Variants in ENO3 observed in about 807,000 individuals in gnomAD.
ENO3 encodes the protein enolase 3.
Under a neutral mutation model 47.7 loss-of-function variants are expected in ENO3, and 46 were observed. The ratio of observed to expected loss-of-function variants is 0.96; its 90% CI spans 0.76 to 1.23. ENO3 has a LOEUF of 1.23. Ranked by LOEUF, ENO3 falls within the 50% of genes most tolerant of loss-of-function variation. The pLI is 0.00. For missense variants in ENO3, 575 were observed against 566.2 expected, an observed-to-expected ratio of 1.02 and a Z score of -0.16; for synonymous variants, 223 against 225.9, an observed-to-expected ratio of 0.99 and a Z score of 0.11.
In ENO3 at chr17:4,955,097, G is replaced by C. The variant is rs121918403; in HGVS notation, c.467G>C (p.Gly156Ala). 1 of 1,613,984 alleles carries C rather than the reference G, an allele frequency of 6.2e-7. No individual in the cohort carries two copies. The highest frequency in any genetic ancestry group is 2.2e-5 in the East Asian group (1 of 44,882). The part of the protein sequence containing the change: ...PVPAFNVING[G>A]SHAGNKLAMQ... ...CAGGCCTTCAATGTGATCAACGGGG[G>C]CTCCCATGCTGGAAACAAGCTGGCC... The change falls in exon 7 of 12, where the codon GGC (glycine) becomes GCC (alanine). Residue 156 changes from glycine to alanine, a missense_variant. Physicochemically the swap from Gly to Ala is moderately conservative, Grantham distance 60. Transcript: ENST00000519602.
At chr17:4,949,722 C>A (rs1065633), upstream of ENO3, among the ~76,000 whole-genome samples, 2,351 of 152,188 alleles carry the variant, frequency 0.015, 48 homozygotes, top group African/African-American at 0.052. Context: ...AAGGGGTCAC[C>A]GAGCGCGGCC....
upstream of ENO3, among the ~76,000 whole-genome samples, chr17:4,950,003 G>A (rs907942890): frequency 1.3e-5 from 2 of 151,944 alleles, no homozygotes; most frequent in African/African-American, 4.8e-5. Context: ...CGGGGCGAGA[G>A]GGGAGACTGG....
At chr17:4,950,415 C>A, upstream of ENO3, 1 of 259,836 alleles carries the variant, frequency 3.8e-6, no homozygotes, top group Non-Finnish European at 6.0e-6. Context: ...TGGGGCCGTG[C>A]GCTGAGCGCC....
chr17:4,949,031 G>GGCCGGA (rs934199509), upstream of ENO3: 2 of 151,844 alleles, frequency 1.3e-5, no homozygotes, highest in African/African-American at 4.8e-5. Flanking sequence ...GGGCGGTCGG[G>GGCCGGA]GCCGGAGCCG....
rs768320684 is a variant in ENO3 at position 4,955,449 on chromosome 17, C to T, written c.710C>T (p.Pro237Leu). 3 of 1,614,132 alleles carry T rather than the reference C, an allele frequency of 1.9e-6. No homozygotes were observed. The highest frequency in any genetic ancestry group is 1.3e-5 in the African/African-American group (1 of 74,934). The change falls in exon 8 of 12, where the codon CCA becomes CTA. Residue 237 changes from proline to leucine, a missense_variant. Transcript: ENST00000519602. ...LKTAIQAAGY[P>L]DKVVIGMDVA... ...ACGGCCATCCAGGCGGCTGGTTACC[C>T]AGACAAGGTGGTGATCGGCATGGAT...
In ENO3 at chr17:4,955,606, T is replaced by G. The variant is rs1283545872; in HGVS notation, c.865+2T>G. On this transcript the variant is annotated splice_donor_variant, in intron 8 of 11. Coordinates refer to ENST00000519602, the MANE Select transcript of ENO3 (RefSeq NM_053013.4). LOFTEE classifies it high-confidence loss of function. ...AGAGCTTTATCAAGAACTATCCTGG[T>G]GAGGCGTTCGGGTGTCCCAGTGTTC... is the stretch of plus-strand genomic sequence containing the variant. The G allele has an allele frequency of 6.2e-7, 1 of 1,614,228 alleles. No individual in the cohort carries two copies. The highest frequency in any genetic ancestry group is 8.5e-7 in the Non-Finnish European group (1 of 1,180,032).
upstream of ENO3, among the ~76,000 whole-genome samples, chr17:4,949,966 C>T (rs1462398719): frequency 2.0e-5 from 3 of 148,368 alleles, no homozygotes; most frequent in African/African-American, 4.9e-5. Context: ...GGAAAAATCC[C>T]GGGAGGAGCG....
At chr17:4,950,871 C>T (rs1469270832), upstream of ENO3, among the ~76,000 whole-genome samples, 4 of 152,342 alleles carry the variant, frequency 2.6e-5, no homozygotes, top group African/African-American at 9.6e-5. Context: ...ATCTGTAGCC[C>T]CTCCCTTGCT....
At chr17:4,949,519 C>G (rs1218286163), upstream of ENO3, among the ~76,000 whole-genome samples, 1 of 151,846 alleles carries the variant, frequency 6.6e-6, no homozygotes, top group Non-Finnish European at 1.5e-5. Context: ...ACTCAAGTTG[C>G]AAGAGTGGCA....
upstream of ENO3, chr17:4,950,953 T>C: frequency 3.4e-6 from 3 of 879,358 alleles, no homozygotes; most frequent in Non-Finnish European, 4.1e-6. Flanking sequence ...AGTTGACCTT[T>C]GGTAAGGGGG....
intron 8 of ENO3, 126 bp downstream of exon 8, chr17:4,955,730 A>G (rs1971703859): frequency 1.4e-6 from 2 of 1,445,920 alleles, no homozygotes; most frequent in Admixed American, 1.7e-5. Flanking sequence ...TAAAATCCCC[A>G]TTTAAGCTCT....
rs775535735 is a variant in ENO3, at chr17:4,957,097, C to T, written c.*50C>T. The T allele has an allele frequency of 7.5e-6, 12 of 1,609,046 alleles. No homozygotes were observed. The highest frequency in any genetic ancestry group is 8.5e-6 in the Non-Finnish European group (10 of 1,176,654). On this transcript the variant is annotated 3_prime_UTR_variant, in exon 12 of 12. Transcript: ENST00000519602. ...CTGGACAGACCCAGGTCTTCCAGAC[C>T]TGCTTCCTGAAATAAACACTGGTGC...
At chr17:4,952,343 A>AT (rs11310549) in intron 2 of ENO3, 98,230 of 251,634 alleles carry the variant, frequency 0.39, 14,571 homozygotes, top group Non-Finnish European at 0.46. Context: ...CGCCCAGCTA[A>AT]TTTTTTTTTT....
chr17:4,952,754 G>T, intron 2 of ENO3, 41 bp from the exon 3 acceptor site: 1 of 1,573,638 alleles, frequency 6.4e-7, no homozygotes, highest in Non-Finnish European at 8.6e-7. Context: ...GGGCCACCGC[G>T]CCCAGCCATC....
Position 4,953,080 on chromosome 17 carries a change from A to G in ENO3, c.211A>G (p.Asn71Asp), listed in dbSNP as rs748416893. Residue 71 changes from asparagine to aspartate, a missense_variant, in exon 4 of 12, where the codon AAT becomes GAT. By Grantham distance (23) the Asn-to-Asp change is conservative. Transcript: ENST00000519602. ...GVLKAVENINNTLGPALLQKK... is the reference protein window; with the variant it reads ...GVLKAVENINDTLGPALLQKK... ...CCTGAAGGCTGTGGAGAACATCAAC[A>G]ATACTCTGGGCCCTGCTCTGCTGCA... 6.2e-6 allele frequency: 10 copies of G among 1,614,222 alleles called. No individual in the cohort carries two copies. The highest frequency in any genetic ancestry group is 7.6e-6 in the Non-Finnish European group (9 of 1,180,046).
At position 4,957,022 on chromosome 17, in the gene ENO3, A is replaced by G. The variant is rs561892631; in HGVS notation, c.1280A>G (p.Lys427Arg). The G allele has an allele frequency of 5.6e-6, 9 of 1,614,182 alleles. No homozygotes were observed. The East Asian group carries it at 1.3e-4, about 24-fold the overall frequency. ...GACAAGGCAATCTTTGCTGGACGCA[A>G]GTTCCGTAACCCGAAGGCCAAGTGA... ...LGDKAIFAGR[K>R]FRNPKAK The change falls in exon 12 of 12, where the codon AAG becomes AGG. Residue 427 changes from lysine to arginine, a missense_variant. Transcript: ENST00000519602.
upstream of ENO3, chr17:4,950,537 C>A: frequency 1.0e-6 from 1 of 984,514 alleles, no homozygotes; most frequent in South Asian, 4.7e-5. Flanking sequence ...TGTCTAAATT[C>A]GTTTCCTGTC....
chr17:4,956,557 TG>T lies in ENO3; in HGVS notation c.1068-15del. 6.2e-7 allele frequency: 1 copy of T among 1,613,884 alleles called. No homozygotes were observed. Among genetic ancestry groups the T allele is most frequent in the Non-Finnish European group, 8.5e-7 (1 of 1,179,760 alleles). On this transcript the variant is annotated splice_polypyrimidine_tract_variant and intron_variant, in intron 9 of 11. Transcript: ENST00000519602. ...GGAGGTTCTAGAAGGCCACATCAAA[TG>T]TCCTCTCCACTCAGGTGCAAACTGG...
At chr17:4,954,746 C>G (rs1312762541) in intron 6 of ENO3, among the ~76,000 whole-genome samples, 2 of 152,096 alleles carry the variant, frequency 1.3e-5, no homozygotes, top group Non-Finnish European at 2.9e-5. Flanking sequence ...AACCCCGTCT[C>G]TACTAAAAAT....
Sources: gnomAD v4.1 joint callset for allele counts (sites outside exome capture counted in the v4.1 genomes callset) on GRCh38, gnomAD v4.1.1 for gene constraint, MANE v1.5 for transcripts, NCBI Gene and HGNC (gene_info 2026-07-23, HGNC 2026-07-21) for gene names.